The following PKP1 variants were observed in gnomAD, a reference collection of about 807,000 sequenced individuals.
The protein encoded by PKP1 is plakophilin-1.
A neutral mutation model predicts 76.4 loss-of-function variants in PKP1; 27 were observed. The observed-to-expected ratio is 0.35, with a 90% CI of 0.26 to 0.49. The LOEUF (loss-of-function observed/expected upper bound fraction) is 0.49, where lower values mean the gene tolerates loss of function less well. Ranked by LOEUF, PKP1 falls within the 20% of genes least tolerant of loss-of-function variation. The pLI is 0.99. For missense variants in PKP1, 964 were observed against 955.2 expected, an observed-to-expected ratio of 1.01 and a Z score of -0.12; for synonymous variants, 404 against 384.2, an observed-to-expected ratio of 1.05 and a Z score of -0.60.
chr1:201,313,048 T>G, intron 2 of PKP1, 118 bp from the exon 3 acceptor site: 2 of 1,091,380 alleles, frequency 1.8e-6, no homozygotes, highest in Non-Finnish European at 2.7e-6. Context: ...ACGCCAAACA[T>G]TCTGGGATTC....
Position 201,318,756 on chromosome 1 carries a change from T to A in PKP1, c.1193T>A (p.Val398Glu). The stretch of plus-strand genomic sequence containing the variant: ...AATAGCAACATGTCCCGGGAAGTGG[T>A]GGACCCTGAGGTCTTCTTCAATGCC... ...DGNSNMSREV[V>E]DPEVFFNATG... is the part of the protein sequence containing the mutation. The change falls in exon 6 of 14, where the codon GTG becomes GAG. Residue 398 changes from valine (V) to glutamate (E), a missense_variant. Coordinates refer to ENST00000367324, the MANE Select transcript of PKP1 (RefSeq NM_001005337.3). The A allele has an allele frequency of 6.2e-7, 1 of 1,610,678 alleles. No homozygotes were observed.
chr1:201,317,124 G>A (rs1048710478), intron 4 of PKP1, among the ~76,000 whole-genome samples: 2 of 152,168 alleles, frequency 1.3e-5, no homozygotes, highest in Non-Finnish European at 2.9e-5. Flanking sequence ...CTGGCAGGAA[G>A]GACACTACAG....
In PKP1 at chr1:201,313,380, G is replaced by A. The variant is rs1052377399; in HGVS notation, c.521G>A (p.Ser174Asn). 6 of 1,581,174 alleles carry A rather than the reference G, an allele frequency of 3.8e-6. No individual in the cohort carries two copies. The highest frequency in any genetic ancestry group is 1.7e-4 in the Middle Eastern group (1 of 6,042). ...ACCCTGCGCAAGGGCACGCTGGGCA[G>A]CAAGGGCCAGAAGACCACCCAGAAC... is the stretch of plus-strand genomic sequence containing the variant. ...RGTLRKGTLG[S>N]KGQKTTQNRY... Residue 174 changes from serine (S) to asparagine (N), a missense_variant, in exon 3 of 14, where the codon AGC (serine) becomes AAC (asparagine). Ser to Asn is a conservative substitution (Grantham distance 46). Coordinates refer to ENST00000367324, the MANE Select transcript of PKP1 (RefSeq NM_001005337.3).
chr1:201,308,948 G>T lies in PKP1; in HGVS notation c.307-4218G>T, dbSNP rs541185666. Reference sequence around the variant, plus strand: ...CGGAGTCAGAGCCTGGGCAGTAGGGGTGTAAAAGAGGGGAGTCAGTAAGGA... The same window carrying T: ...CGGAGTCAGAGCCTGGGCAGTAGGGTTGTAAAAGAGGGGAGTCAGTAAGGA... On this transcript the variant is annotated intron_variant, in intron 2 of 13. Coordinates refer to ENST00000367324, the MANE Select transcript of PKP1 (RefSeq NM_001005337.3). Among the ~76,000 whole-genome samples the T allele has an allele frequency of 2.0e-4, 30 of 152,250 alleles. No homozygotes were observed. In the South Asian group the frequency reaches 6.2e-3, roughly 32 times the overall value.
chr1:201,302,010 A>G (rs1656246322), intron 2 of PKP1, among the ~76,000 whole-genome samples: 1 of 152,152 alleles, frequency 6.6e-6, no homozygotes, highest in Non-Finnish European at 1.5e-5. Flanking sequence ...TGGGTTCTGG[A>G]TGAGCCGCAG....
chr1:201,325,269 TGGA>T (rs1657080953), intron 11 of PKP1, 142 bp downstream of exon 11: 2 of 855,188 alleles, frequency 2.3e-6, no homozygotes, highest in Non-Finnish European at 3.8e-6. Context: ...GAGGCTTGAA[TGGA>T]GGAGAAGTTC....
In PKP1 at chr1:201,320,518, T is replaced by C. The variant is rs1628711; in HGVS notation, c.1347+137T>C. Reference sequence around the variant, plus strand: ...TAGAAGAGGCATCTGGATGCAGGGCTCAGTGGTGGCTACAGGAGTGGGCTC... The same window carrying C: ...TAGAAGAGGCATCTGGATGCAGGGCCCAGTGGTGGCTACAGGAGTGGGCTC... On this transcript the variant is annotated intron_variant, in intron 7 of 13. Transcript: ENST00000367324. The C allele has an allele frequency of 0.87, 612,078 of 704,828 alleles. 269,716 individuals are homozygous for C. Among genetic ancestry groups the C allele is most frequent in the East Asian group, 0.98 (36,284 of 37,198 alleles). 43.7% of individuals were successfully genotyped at this position (704,828 alleles called of 1,614,324 possible). A position where few individuals can be genotyped will look rare whatever the true frequency, so the allele number is the denominator to read the frequency against.
In PKP1 at chr1:201,324,571, C is replaced by T; in HGVS notation, c.1824C>T (p.His608=). ...LSNMSRHPLL[H]RVMGNQVFPE... is the part of the protein sequence containing the mutation. ...ACATGTCCCGCCACCCTCTGCTGCA[C>T]AGAGTGATGGGTAAGGTCCCTCTCT... Residue 608 remains histidine, a synonymous_variant, in exon 10 of 14, where the codon CAC becomes CAT. Transcript: ENST00000367324. 6.2e-7 allele frequency: 1 copy of T among 1,614,148 alleles called. No homozygotes were observed. Among genetic ancestry groups the T allele is most frequent in the African/African-American group, 1.3e-5 (1 of 75,046 alleles).
intron 6 of PKP1, chr1:201,319,862 G>A (rs770248891): frequency 6.2e-7 from 1 of 1,613,956 alleles, no homozygotes; most frequent in African/African-American, 1.3e-5. Context: ...TCCGCAAAGG[G>A]CCACTAGTAG....
chr1:201,323,510 TGTTTGGCAAAAGGA>T (rs1181060943), intron 9 of PKP1, among the ~76,000 whole-genome samples: 1 of 151,956 alleles, frequency 6.6e-6, no homozygotes, highest in Non-Finnish European at 1.5e-5. Context: ...GCGGAGAAGG[TGTTTGGCAAAAGGA>T]GTTTCCCATT....
At chr1:201,285,865 G>T (rs1470547384) in intron 1 of PKP1, among the ~76,000 whole-genome samples, 1 of 152,168 alleles carries the variant, frequency 6.6e-6, no homozygotes, top group African/African-American at 2.4e-5. Flanking sequence ...TCCCCCAGGG[G>T]GCTTCACTGG....
intron 12 of PKP1, chr1:201,328,362 C>G (rs1657211942): frequency 1.5e-5 from 5 of 334,074 alleles, no homozygotes; most frequent in South Asian, 1.3e-4. Context: ...CATGTCCTCT[C>G]TGCCCAAGAG....
chr1:201,319,698 A>G, intron 6 of PKP1: 1 of 976,756 alleles, frequency 1.0e-6, no homozygotes, highest in Non-Finnish European at 1.6e-6. Context: ...CTTGGGAGTG[A>G]GCCTACTGCT....
At chr1:201,287,467 G>A (rs982572460) in intron 1 of PKP1, among the ~76,000 whole-genome samples, 1 of 152,230 alleles carries the variant, frequency 6.6e-6, no homozygotes, top group African/African-American at 2.4e-5. Context: ...CCTGACCACA[G>A]GCATCACTTC....
intron 12 of PKP1, among the ~76,000 whole-genome samples, chr1:201,327,562 C>T (rs969976267): frequency 5.1e-4 from 77 of 151,946 alleles, no homozygotes; most frequent in South Asian, 2.1e-4. Context: ...AGCTTCCTCC[C>T]GCTGTGTAAT....
Position 201,318,643 on chromosome 1 carries a change from T to G in PKP1, c.1080T>G (p.Thr360=), listed in dbSNP as rs1278882074. ...GGCTGCTCTGGAACCTGTCTTCCACTGACGAGCTGAAGGAGGAACTCATTG... is the reference window on the plus strand; with the variant it reads ...GGCTGCTCTGGAACCTGTCTTCCACGGACGAGCTGAAGGAGGAACTCATTG... ...LTGLLWNLSS[T]DELKEELIAD... Residue 360 remains threonine, a synonymous_variant, in exon 6 of 14, where the codon ACT becomes ACG. Coordinates refer to ENST00000367324, the MANE Select transcript of PKP1 (RefSeq NM_001005337.3). 6.2e-7 allele frequency: 1 copy of G among 1,612,258 alleles called. No homozygotes were observed. The highest frequency in any genetic ancestry group is 2.2e-5 in the East Asian group (1 of 44,876).
intron 1 of PKP1, among the ~76,000 whole-genome samples, chr1:201,291,840 CTA>C (rs1429552955): frequency 6.6e-6 from 1 of 152,242 alleles, no homozygotes; most frequent in Non-Finnish European, 1.5e-5. Flanking sequence ...AGGGTCCTGA[CTA>C]TGAGTGTGCC....
chr1:201,289,613 AAAGGTG>A, intron 1 of PKP1, among the ~76,000 whole-genome samples: 1 of 151,764 alleles, frequency 6.6e-6, no homozygotes, highest in East Asian at 1.9e-4. Flanking sequence ...TGGATCTACC[AAAGGTG>A]AAGATTCCTT....
chr1:201,316,357 GGGT>G (rs1228443247), intron 3 of PKP1, 193 bp from the exon 4 acceptor site: 3 of 603,038 alleles, frequency 5.0e-6, no homozygotes, highest in Non-Finnish European at 8.9e-6. Context: ...CAAATCCAGT[GGGT>G]GTAGCCTTCC....
Sources: gnomAD v4.1 joint callset for allele counts (sites outside exome capture counted in the v4.1 genomes callset) on GRCh38, gnomAD v4.1.1 for gene constraint, MANE v1.5 for transcripts, NCBI Gene and HGNC (gene_info 2026-07-23, HGNC 2026-07-21) for gene names.